The following DMD variants were observed in gnomAD, a reference collection of about 807,000 sequenced individuals.
DMD encodes mutant dystrophin.
Under a neutral mutation model 330.1 loss-of-function variants are expected in DMD, and 63 were observed. That is an observed-to-expected ratio of 0.19 (90% CI 0.16 to 0.24). The LOEUF is 0.24. DMD is among the 10% of genes least tolerant of loss of function. The pLI is 1.00. For synonymous variants in DMD, 1,223 were observed against 959.8 expected (o/e 1.27, Z -5.07); for missense variants, 3,344 against 2,684.1 (o/e 1.25, Z -5.43).
At chrX:32,463,701 G>T in intron 24 of DMD, 107 bp from the exon 25 acceptor site, 1 of 730,565 alleles carries the variant, frequency 1.4e-6, no homozygotes, top group Non-Finnish European at 1.9e-6. Flanking sequence ...ATTGCATATG[G>T]ATTTTTGTCT....
intron 7 of DMD, among the ~76,000 whole-genome samples, chrX:32,764,988 A>C (rs940901383): frequency 9.4e-6 from 1 of 106,154 alleles, no homozygotes; most frequent in Non-Finnish European, 1.9e-5. Flanking sequence ...GTTTTAAAAT[A>C]ATCATCATCC....
intron 16 of DMD, among the ~76,000 whole-genome samples, chrX:32,550,917 A>T (rs1386540716): frequency 9.0e-6 from 1 of 111,010 alleles, no homozygotes; most frequent in East Asian, 2.8e-4. Flanking sequence ...GAAACTTACA[A>T]CTTTCCAAGT....
chrX:31,995,329 T>C (rs932586320), intron 44 of DMD, among the ~76,000 whole-genome samples: 1 of 111,946 alleles, frequency 8.9e-6, no homozygotes, highest in Non-Finnish European at 1.9e-5. Flanking sequence ...GCATTAGAGA[T>C]AACAAACATA....
chrX:32,440,958 C>A (rs2098279503), intron 28 of DMD, among the ~76,000 whole-genome samples: 1 of 110,933 alleles, frequency 9.0e-6, no homozygotes, highest in Non-Finnish European at 1.9e-5. Context: ...ATAATAAAGG[C>A]AAATTTCCTC....
At chrX:32,807,122 TAAAAAAAAAAA>T (rs999286386) in intron 7 of DMD, among the ~76,000 whole-genome samples, 2 of 20,744 alleles carry the variant, frequency 9.6e-5, no homozygotes, top group African/African-American at 4.4e-4. Context: ...CGGAAACATT[TAAAAAAAAAAA>T]AAAAAAAAAA....
chrX:33,097,692 T>C (rs2095186578), intron 1 of DMD, among the ~76,000 whole-genome samples: 1 of 96,534 alleles, frequency 1.0e-5, no homozygotes, highest in African/African-American at 3.8e-5. Flanking sequence ...CTGGGCTCAC[T>C]GCAACCTCTG....
intron 52 of DMD, among the ~76,000 whole-genome samples, chrX:31,715,447 G>A (rs996001713): frequency 1.9e-5 from 2 of 102,637 alleles, no homozygotes; most frequent in African/African-American, 7.2e-5. Flanking sequence ...GGAGGCTGAG[G>A]CAGGAGAATG....
rs1233191294 is a variant in DMD at position 32,589,711 on chromosome X, G to A, written c.1602+6046C>T. On this transcript the variant is annotated intron_variant, in intron 13 of 78. Transcript: ENST00000357033. ...GCAACATTTCGAACTATAAACATGA[G>A]TTTTCTGACTTAAAACAATAGGATG... Among the ~76,000 whole-genome samples the A allele has an allele frequency of 1.3e-4, 15 of 111,155 alleles. No homozygotes were observed. The Admixed American group carries it at 1.4e-3, about 11-fold the overall frequency.
chrX:32,745,353 A>G (rs2069848357), intron 7 of DMD, among the ~76,000 whole-genome samples: 1 of 112,395 alleles, frequency 8.9e-6, no homozygotes, highest in Non-Finnish European at 1.9e-5. Context: ...GTTCTGTATC[A>G]ACACAGCACT....
chrX:32,051,843 G>C (rs2096117921), intron 44 of DMD, among the ~76,000 whole-genome samples: 1 of 110,977 alleles, frequency 9.0e-6, no homozygotes, highest in South Asian at 3.8e-4. Context: ...AAGCAAACTA[G>C]ATTCTCTCTC....
intron 44 of DMD, among the ~76,000 whole-genome samples, chrX:32,029,977 A>G (rs985505446): frequency 1.8e-5 from 2 of 111,735 alleles, no homozygotes; most frequent in African/African-American, 3.3e-5. Context: ...CAGAGATAAA[A>G]TGCCAGGAAG....
chrX:31,470,811 A>C (rs2067239814), intron 59 of DMD, among the ~76,000 whole-genome samples: 1 of 112,145 alleles, frequency 8.9e-6, no homozygotes, highest in Non-Finnish European at 1.9e-5. Context: ...TAAGCCCCTG[A>C]CTGGGGCTGC....
At chrX:32,493,521 A>G (rs2043202923) in intron 19 of DMD, among the ~76,000 whole-genome samples, 1 of 111,887 alleles carries the variant, frequency 8.9e-6, no homozygotes, top group African/African-American at 3.2e-5. Flanking sequence ...AGCAATTGTG[A>G]CATGCTGTTT....
chrX:32,584,162 G>A (rs2053967245), intron 13 of DMD, among the ~76,000 whole-genome samples: 1 of 111,175 alleles, frequency 9.0e-6, no homozygotes, highest in Admixed American at 9.6e-5. Flanking sequence ...TCATTTAAAT[G>A]GCCAATAACA....
rs587782936 is a variant in DMD at position 32,573,629 on chromosome X, A to T, written c.1713T>A (p.Phe571Leu). Residue 571 changes from phenylalanine to leucine, a missense_variant, in exon 15 of 79, where the codon TTT becomes TTA. Physicochemically the swap from Phe to Leu is conservative, Grantham distance 22 (BLOSUM62 0). Coordinates refer to ENST00000357033, the MANE Select transcript of DMD (RefSeq NM_004006.3). Reference sequence around the variant, plus strand: ...CTTCTTTTTCTGAAAGCCATGCACTAAAAAGGCACTGCAAGACATTAAAGA... The same window carrying T: ...CTTCTTTTTCTGAAAGCCATGCACTTAAAAGGCACTGCAAGACATTAAAGA... ...WQRLTEEQCL[F>L]SAWLSEKEDA... 26 of 1,207,730 alleles carry T rather than the reference A, an allele frequency of 2.2e-5. 1 individual carries two copies. The South Asian group carries it at 4.6e-4, about 21-fold the overall frequency.
chrX:33,338,645 G>A (rs1202619466), intron 1 of DMD, among the ~76,000 whole-genome samples: 2 of 110,879 alleles, frequency 1.8e-5, no homozygotes, highest in Non-Finnish European at 3.8e-5. Context: ...TTGGCAAAAC[G>A]TGAATACAGT....
intron 11 of DMD, among the ~76,000 whole-genome samples, chrX:32,633,224 C>T (rs1316977983): frequency 2.7e-5 from 3 of 111,709 alleles, no homozygotes; most frequent in African/African-American, 9.8e-5. Context: ...CATTTTGCTG[C>T]TTAGAAATTC....
chrX:32,550,757 G>C (rs1414080975), intron 16 of DMD, among the ~76,000 whole-genome samples: 1 of 110,490 alleles, frequency 9.1e-6, no homozygotes, highest in Non-Finnish European at 1.9e-5. Context: ...AAGAAAAAAA[G>C]AGAGAAGACT....
chrX:32,860,370 A>G (rs1478062509), intron 2 of DMD, among the ~76,000 whole-genome samples: 1 of 112,235 alleles, frequency 8.9e-6, no homozygotes, highest in African/African-American at 3.2e-5. Flanking sequence ...TGATTACAAA[A>G]AGGACAAGCC....
Sources: gnomAD v4.1 joint callset for allele counts (sites outside exome capture counted in the v4.1 genomes callset) on GRCh38, gnomAD v4.1.1 for gene constraint, MANE v1.5 for transcripts, NCBI Gene and HGNC (gene_info 2026-07-23, HGNC 2026-07-21) for gene names.